OR5V1: variants seen among roughly 807,000 people sequenced by gnomAD.
OR5V1 encodes olfactory receptor family 5 subfamily V member 1, also known as olfactory receptor 5V1.
For missense variants in OR5V1, 365 were observed against 371.5 expected, an observed-to-expected ratio of 0.98 and a Z score of 0.14; for synonymous variants, 134 against 143.2, an observed-to-expected ratio of 0.94 and a Z score of 0.46.
intron 1 of OR5V1, among the ~76,000 whole-genome samples, chr6:29,358,498 A>C (rs941346983): frequency 6.6e-6 from 1 of 152,226 alleles, no homozygotes; most frequent in Admixed American, 6.5e-5. Flanking sequence ...TCTCAAAGAG[A>C]TATCTGCACT....
At chr6:29,367,432 A>C (rs1262617048) in intron 1 of OR5V1, among the ~76,000 whole-genome samples, 1 of 152,202 alleles carries the variant, frequency 6.6e-6, no homozygotes, top group African/African-American at 2.4e-5. Context: ...CAGTGGTCTT[A>C]CATTCAGTAA....
chr6:29,356,269 T>C lies in OR5V1; in HGVS notation c.-74A>G. 6.9e-7 allele frequency: 1 copy of C among 1,458,644 alleles called. No homozygotes were observed. Among genetic ancestry groups the C allele is most frequent in the Non-Finnish European group, 9.2e-7 (1 of 1,088,480 alleles). 90.4% of individuals were successfully genotyped at this position (1,458,644 alleles called of 1,614,324 possible). The stretch of plus-strand genomic sequence containing the variant: ...TATAAAAATGAATCATATGCTGCAA[T>C]AGCATGACCTGAAAAATAAGGGAAA... On this transcript the variant is annotated 5_prime_UTR_variant, in exon 2 of 2. Transcript: ENST00000641768.
chr6:29,358,909 A>G (rs1264599513), intron 1 of OR5V1, among the ~76,000 whole-genome samples: 1 of 152,182 alleles, frequency 6.6e-6, no homozygotes. Context: ...AATGTATTGT[A>G]TATTCCAAAA....
intron 1 of OR5V1, among the ~76,000 whole-genome samples, chr6:29,358,192 T>C (rs1778405912): frequency 6.6e-6 from 1 of 152,150 alleles, no homozygotes; most frequent in Admixed American, 6.5e-5. Flanking sequence ...AACTCCAAAA[T>C]TGTATTCTCA....
rs1182121011 is a variant in OR5V1, at chr6:29,355,350, G to C, written c.846C>G (p.Thr282=). The C allele has an allele frequency of 6.2e-7, 1 of 1,613,944 alleles. No homozygotes were observed. Among genetic ancestry groups the C allele is most frequent in the Admixed American group, 1.7e-5 (1 of 60,000 alleles). The change falls in exon 2 of 2, where the codon ACC becomes ACG. Residue 282 remains threonine (T), a synonymous_variant. Transcript: ENST00000641768. The stretch of plus-strand genomic sequence containing the variant: ...TGTAAATTATAGGGTTTAGCATGGG[G>C]GTAACAACACTGTACAACACTGAAA... The part of the protein sequence containing the change: ...RLVSVLYSVV[T]PMLNPIIYTL...
chr6:29,367,195 A>G (rs1230117190), intron 1 of OR5V1, among the ~76,000 whole-genome samples: 3 of 152,008 alleles, frequency 2.0e-5, no homozygotes, highest in Non-Finnish European at 4.4e-5. Context: ...CTGTCTGCTA[A>G]TCTACATATT....
Position 29,356,287 on chromosome 6 carries a change from A to G in OR5V1, c.-82-10T>C. The G allele has an allele frequency of 7.1e-7, 1 of 1,414,152 alleles. No individual in the cohort carries two copies. Among genetic ancestry groups the G allele is most frequent in the Non-Finnish European group, 9.5e-7 (1 of 1,053,806 alleles). The allele number at this position is 1,414,152 out of a possible 1,614,324, so 87.6% of individuals were successfully genotyped here. A position where few individuals can be genotyped will look rare whatever the true frequency, so the allele number is the denominator to read the frequency against. On this transcript the variant is annotated splice_polypyrimidine_tract_variant and intron_variant, in intron 1 of 1. Coordinates refer to ENST00000641768, the MANE Select transcript of OR5V1 (RefSeq NM_030876.6). ...GCTGCAATAGCATGACCTGAAAAAT[A>G]AGGGAAAAAACGGTTACAAATAAAA...
intron 1 of OR5V1, among the ~76,000 whole-genome samples, chr6:29,367,984 G>T (rs770649388): frequency 3.0e-4 from 45 of 152,152 alleles, no homozygotes; most frequent in Non-Finnish European, 2.2e-4. Context: ...ACAAGGAGAG[G>T]CCCCCAGAAA....
In OR5V1 at chr6:29,355,786, C is replaced by A; in HGVS notation, c.410G>T (p.Ser137Ile). The stretch of plus-strand genomic sequence containing the variant: ...TGCTAATTGATTGCATAGAACCTTG[C>A]TCAGAATAACTGAATACCTTAAAGG... Reference protein sequence around the residue: ...CNPLRYSVILSKVLCNQLAAS... With the variant: ...CNPLRYSVILIKVLCNQLAAS... Residue 137 changes from serine to isoleucine, a missense_variant, in exon 2 of 2, where the codon AGC becomes ATC. By Grantham distance (142) the Ser-to-Ile change is moderately radical. Transcript: ENST00000641768. The A allele has an allele frequency of 6.2e-7, 1 of 1,614,048 alleles. No individual in the cohort carries two copies. The highest frequency in any genetic ancestry group is 2.2e-5 in the East Asian group (1 of 44,880).
intron 1 of OR5V1, among the ~76,000 whole-genome samples, chr6:29,363,453 G>T (rs1778680925): frequency 6.6e-6 from 1 of 152,106 alleles, no homozygotes; most frequent in Non-Finnish European, 1.5e-5. Flanking sequence ...ATTTTATGAG[G>T]CCAGCATCAT....
chr6:29,364,284 G>A lies in OR5V1; in HGVS notation c.-83+4348C>T, dbSNP rs115858889. Among the ~76,000 whole-genome samples the A allele has an allele frequency of 7.0e-3, 1,065 of 152,102 alleles. 8 individuals are homozygous for A. The highest frequency in any genetic ancestry group is 0.011 in the Non-Finnish European group (716 of 67,984). On this transcript the variant is annotated intron_variant, in intron 1 of 1. Coordinates refer to ENST00000641768, the MANE Select transcript of OR5V1 (RefSeq NM_030876.6). ...GGAGAATTACAAACTGCTTCTCAAG[G>A]AAATAAGAGAGGACACAAATGAAGA...
rs1778217033 is a variant in OR5V1 at position 29,355,407 on chromosome 6, G to A, written c.789C>T (p.Ile263=). 6.2e-7 allele frequency: 1 copy of A among 1,613,894 alleles called. No individual in the cohort carries two copies. Among genetic ancestry groups the A allele is most frequent in the Non-Finnish European group, 8.5e-7 (1 of 1,179,908 alleles). The change falls in exon 2 of 2, where the codon ATC becomes ATT. Residue 263 remains isoleucine, a synonymous_variant. Coordinates refer to ENST00000641768, the MANE Select transcript of OR5V1 (RefSeq NM_030876.6). Reference sequence around the variant, plus strand: ...TATCTTTCTTTAATGAGTAAGTTGAGATGGGCCGTACATATGTAAAGATGG... The same window carrying A: ...TATCTTTCTTTAATGAGTAAGTTGAAATGGGCCGTACATATGTAAAGATGG... The part of the protein sequence containing the change: ...GSAIFTYVRP[I]STYSLKKDRL...
intron 1 of OR5V1, among the ~76,000 whole-genome samples, chr6:29,360,776 T>C (rs1216565132): frequency 2.6e-5 from 4 of 152,132 alleles, no homozygotes; most frequent in Non-Finnish European, 4.4e-5. Context: ...CCAAAGGTCA[T>C]CAACCTCAAA....
intron 1 of OR5V1, among the ~76,000 whole-genome samples, chr6:29,368,070 T>C (rs958501461): frequency 1.8e-4 from 27 of 152,172 alleles, no homozygotes; most frequent in Admixed American, 1.3e-3. Context: ...TAGCTCTTCA[T>C]TAAAGAGTGT....
rs997399060 is a variant in OR5V1 at position 29,368,848 on chromosome 6, T to G, written c.-299A>C. 1 of 152,094 alleles carries G rather than the reference T, an allele frequency of 6.6e-6. No homozygotes were observed. Among genetic ancestry groups the G allele is most frequent in the Admixed American group, 6.6e-5 (1 of 15,262 alleles). 9.4% of individuals were successfully genotyped at this position (152,094 alleles called of 1,614,324 possible). A position where few individuals can be genotyped will look rare whatever the true frequency, so the allele number is the denominator to read the frequency against. ...ACTGGAGTGAGTAAGGAAAATGCCC[T>G]TTGGATTAAGAAGATCCCCACATCT... is the stretch of plus-strand genomic sequence containing the variant. On this transcript the variant is annotated 5_prime_UTR_variant, in exon 1 of 2. Transcript: ENST00000641768.
chr6:29,363,744 A>AAAAAAT (rs1778699341), intron 1 of OR5V1, among the ~76,000 whole-genome samples: 1 of 152,164 alleles, frequency 6.6e-6, no homozygotes, highest in Non-Finnish European at 1.5e-5. Flanking sequence ...ATAAAATTCC[A>AAAAAAT]TACCCCTTCA....
chr6:29,362,113 G>GA (rs977851109), intron 1 of OR5V1, among the ~76,000 whole-genome samples: 9 of 149,000 alleles, frequency 6.0e-5, no homozygotes, highest in African/African-American at 1.7e-4. Flanking sequence ...AATGGAAAGA[G>GA]AAAAAAAAAG....
chr6:29,356,597 T>C (rs1778321220), intron 1 of OR5V1, among the ~76,000 whole-genome samples: 2 of 152,198 alleles, frequency 1.3e-5, no homozygotes, highest in African/African-American at 4.8e-5. Context: ...ATTCATTTGC[T>C]TCTTTGAAGC....
At position 29,355,444 on chromosome 6, in the gene OR5V1, A is replaced by T. The variant is rs113438105; in HGVS notation, c.752T>A (p.Phe251Tyr). The T allele has an allele frequency of 6.2e-7, 1 of 1,614,074 alleles. No homozygotes were observed. Among genetic ancestry groups the T allele is most frequent in the Non-Finnish European group, 8.5e-7 (1 of 1,179,940 alleles). Residue 251 changes from phenylalanine (F) to tyrosine (Y), a missense_variant, in exon 2 of 2, where the codon TTT becomes TAT. By Grantham distance (22) the Phe-to-Tyr change is conservative (BLOSUM62 3). Transcript: ENST00000641768. Reference protein sequence around the residue: ...CASHLAIVFLFYGSAIFTYVR... With the variant: ...CASHLAIVFLYYGSAIFTYVR... ...ATATGTAAAGATGGCGCTGCCATAA[A>T]AGAGAAAGACAATGGCCAGGTGGGA... is the stretch of plus-strand genomic sequence containing the variant.
Sources: gnomAD v4.1 joint callset for allele counts (sites outside exome capture counted in the v4.1 genomes callset) on GRCh38, gnomAD v4.1.1 for gene constraint, MANE v1.5 for transcripts, NCBI Gene and HGNC (gene_info 2026-07-23, HGNC 2026-07-21) for gene names.